MTFR1: variants seen among roughly 807,000 people sequenced by gnomAD.
The protein encoded by MTFR1 is chondrocyte protein with a poly-proline region.
MTFR1 carries 28 observed loss-of-function variants against 38.8 expected under a neutral mutation model. The observed-to-expected ratio is 0.72, with a 90% CI of 0.53 to 0.99. The LOEUF (loss-of-function observed/expected upper bound fraction) is 0.99, where lower values mean the gene tolerates loss of function less well. Among genes scored for constraint, MTFR1 ranks in the 50% least tolerant of loss-of-function variants. The pLI is 0.00. For synonymous variants in MTFR1, 145 were observed against 137.0 expected (o/e 1.06, Z -0.41); for missense variants, 358 against 395.5 (o/e 0.91, Z 0.81).
intron 1 of MTFR1, among the ~76,000 whole-genome samples, chr8:65,660,291 CAAA>C (rs1358969347): frequency 3.0e-5 from 2 of 67,440 alleles, no homozygotes; most frequent in Non-Finnish European, 2.9e-5. Context: ...AACTCTGTCT[CAAA>C]AAAAAAAAAA....
intron 3 of MTFR1, among the ~76,000 whole-genome samples, chr8:65,757,839 G>C (rs1048172843): frequency 9.9e-5 from 15 of 152,116 alleles, no homozygotes; most frequent in Non-Finnish European, 1.9e-4. Context: ...GGCTGGTCTC[G>C]ATCTCCTGAC....
At chr8:65,655,969 C>CATATATATATATATATATG in intron 1 of MTFR1, among the ~76,000 whole-genome samples, 2 of 56,470 alleles carry the variant, frequency 3.5e-5, no homozygotes, top group African/African-American at 2.0e-4. Context: ...TATATATATA[C>CATATATATATATATATATG]CATATATATA....
intron 3 of MTFR1, chr8:65,719,582 A>G: frequency 1.2e-6 from 1 of 822,124 alleles, no homozygotes; most frequent in Non-Finnish European, 2.0e-6. Flanking sequence ...ACCTTCCTAC[A>G]TCCTACTCCA....
intron 1 of MTFR1, among the ~76,000 whole-genome samples, chr8:65,648,161 C>T (rs1370638352): frequency 2.0e-5 from 3 of 151,806 alleles, no homozygotes; most frequent in Admixed American, 6.6e-5. Context: ...GGACTACAGG[C>T]GCCCGCCACT....
At chr8:65,668,979 G>A (rs372270181) in intron 1 of MTFR1, among the ~76,000 whole-genome samples, 46 of 152,330 alleles carry the variant, frequency 3.0e-4, no homozygotes, top group African/African-American at 9.9e-4. Flanking sequence ...GTGGGGCAGA[G>A]AATGAATGGC....
At chr8:65,672,500 AAATACAGTG>A (rs1804590707) in intron 2 of MTFR1, among the ~76,000 whole-genome samples, 1 of 151,778 alleles carries the variant, frequency 6.6e-6, no homozygotes, top group South Asian at 2.1e-4. Context: ...AGTGATAGTG[AAATACAGTG>A]AATCACTTTT....
chr8:65,668,206 C>T (rs1327117497), intron 1 of MTFR1, among the ~76,000 whole-genome samples: 1 of 132,684 alleles, frequency 7.5e-6, no homozygotes, highest in Non-Finnish European at 1.6e-5. Flanking sequence ...GAGAGGGAGT[C>T]TTGCTCTGTC....
At chr8:65,724,980 T>C in intron 3 of MTFR1, 2 of 1,146,896 alleles carry the variant, frequency 1.7e-6, no homozygotes, top group South Asian at 3.5e-5. Flanking sequence ...ATTTATTGAT[T>C]TTTTTTCTTA....
chr8:65,710,122 T>A lies in MTFR1; in HGVS notation c.*1078T>A, dbSNP rs1010871249. On this transcript the variant is annotated 3_prime_UTR_variant, in exon 8 of 8. Transcript: ENST00000262146. ...TTATAAATCTTCATGGTTTTTCTATTTCTGATACACTCAGCTATAGTTAAT... is the reference window on the plus strand; with the variant it reads ...TTATAAATCTTCATGGTTTTTCTATATCTGATACACTCAGCTATAGTTAAT... The A allele has an allele frequency of 6.6e-6, 1 of 152,222 alleles. No homozygotes were observed. The highest frequency in any genetic ancestry group is 2.4e-5 in the African/African-American group (1 of 41,466). 9.4% of individuals were successfully genotyped at this position (152,222 alleles called of 1,614,324 possible).
At chr8:65,656,500 ATTTTT>A (rs1232069011) in intron 1 of MTFR1, among the ~76,000 whole-genome samples, 1 of 129,770 alleles carries the variant, frequency 7.7e-6, no homozygotes, top group African/African-American at 2.8e-5. Flanking sequence ...TGCCTGGCTA[ATTTTT>A]TTTTTTTTTT....
intron 1 of MTFR1, among the ~76,000 whole-genome samples, chr8:65,668,446 C>A (rs370827764): frequency 6.6e-6 from 1 of 151,278 alleles, no homozygotes; most frequent in Non-Finnish European, 1.5e-5. Context: ...CCTCAGCCCC[C>A]CAAAATGCTG....
At chr8:65,742,458 C>T (rs1417983059) in intron 3 of MTFR1, among the ~76,000 whole-genome samples, 1 of 152,186 alleles carries the variant, frequency 6.6e-6, no homozygotes, top group Non-Finnish European at 1.5e-5. Flanking sequence ...AAGCTGGGAA[C>T]GATTTGTCTT....
intron 3 of MTFR1, chr8:65,728,532 GAGA>G (rs1404468159): frequency 2.0e-5 from 3 of 152,086 alleles, no homozygotes; most frequent in Admixed American, 6.6e-5. Flanking sequence ...CAATGAATAG[GAGA>G]AGATGAAGAA....
intron 1 of MTFR1, among the ~76,000 whole-genome samples, chr8:65,665,626 C>G (rs892169819): frequency 6.6e-6 from 1 of 152,140 alleles, no homozygotes; most frequent in Non-Finnish European, 1.5e-5. Flanking sequence ...TGATTTTTCT[C>G]TTCTTCCTTA....
intron 4 of MTFR1, among the ~76,000 whole-genome samples, chr8:65,703,435 T>G (rs940910574): frequency 2.3e-5 from 3 of 128,330 alleles, no homozygotes; most frequent in South Asian, 2.8e-4. Flanking sequence ...TTTTTTTTTT[T>G]TTTTTTTTTT....
chr8:65,721,282 A>C (rs1291797493), intron 3 of MTFR1, among the ~76,000 whole-genome samples: 3 of 152,232 alleles, frequency 2.0e-5, no homozygotes, highest in African/African-American at 7.2e-5. Flanking sequence ...TTTCTTGTTC[A>C]ACAAAATTAG....
chr8:65,687,769 T>C (rs1371512708), intron 3 of MTFR1, among the ~76,000 whole-genome samples: 1 of 152,158 alleles, frequency 6.6e-6, no homozygotes, highest in African/African-American at 2.4e-5. Flanking sequence ...ACCTGGGAAG[T>C]TGATGGTGTC....
At chr8:65,645,704 C>CG (rs1563428309) in intron 1 of MTFR1, among the ~76,000 whole-genome samples, 5 of 136,650 alleles carry the variant, frequency 3.7e-5, no homozygotes, top group Non-Finnish European at 7.8e-5. Flanking sequence ...CCCCCCCCCC[C>CG]CCTTTGTAGA....
Position 65,759,384 on chromosome 8 carries a change from C to T in MTFR1, c.*49-11563C>T, listed in dbSNP as rs184790509. On this transcript the variant is annotated intron_variant, in intron 3 of 3. Transcript: ENST00000521247. ...CATCTGCATCAGTCCCTCAGGGATC[C>T]GCCAGAATGACGAGAACACCAAGGT... is the stretch of plus-strand genomic sequence containing the variant. Among the ~76,000 whole-genome samples the T allele has an allele frequency of 1.2e-4, 18 of 152,322 alleles. No individual in the cohort carries two copies. The East Asian group carries it at 2.1e-3, about 18-fold the overall frequency.
Sources: allele counts gnomAD v4.1 joint callset (sites outside exome capture counted in the v4.1 genomes callset), GRCh38; gene constraint gnomAD v4.1.1; transcripts MANE v1.5; gene names NCBI Gene and HGNC (gene_info 2026-07-23, HGNC 2026-07-21).